Variants in RXFP3 observed in about 807,000 individuals in gnomAD.
The protein encoded by RXFP3 is relaxin-3 receptor 1.
A neutral mutation model predicts 27.3 loss-of-function variants in RXFP3; 31 were observed. That is an observed-to-expected ratio of 1.13 (90% confidence interval 0.85 to 1.53). RXFP3 has a LOEUF of 1.53. RXFP3 is among the 40% of genes most tolerant of loss of function. The probability of loss-of-function intolerance (pLI) is 0.00; values close to 1 mark genes in which losing one functional copy is unlikely to be tolerated. For synonymous variants in RXFP3, 351 were observed against 293.6 expected, an observed-to-expected ratio of 1.20 and a Z score of -2.00; for missense variants, 684 against 642.1, an observed-to-expected ratio of 1.07 and a Z score of -0.70.
At position 33,936,531 on chromosome 5, in the gene RXFP3, G is replaced by A. The variant is rs1751666477; in HGVS notation, c.-210G>A. On this transcript the variant is annotated 5_prime_UTR_variant, in exon 1 of 1. Transcript: ENST00000330120. ...CTTACGGGCTGCACTCCTCAACTCT[G>A]CTCCAAAGCAGCCGCTGAGCTCAAC... The A allele has an allele frequency of 4.2e-6, 2 of 473,002 alleles. No individual in the cohort carries two copies. Among genetic ancestry groups the A allele is most frequent in the African/African-American group, 3.9e-5 (2 of 51,654 alleles). 29.3% of individuals were successfully genotyped at this position (473,002 alleles called of 1,614,324 possible). A position where few individuals can be genotyped will look rare whatever the true frequency, so the allele number is the denominator to read the frequency against.
At position 33,936,576 on chromosome 5, in the gene RXFP3, G is replaced by T; in HGVS notation, c.-165G>T. The T allele has an allele frequency of 1.6e-6, 1 of 607,018 alleles. No individual in the cohort carries two copies. The allele number at this position is 607,018 out of a possible 1,614,324, so 37.6% of individuals were successfully genotyped here. On this transcript the variant is annotated 5_prime_UTR_variant, in exon 1 of 1. Transcript: ENST00000330120. ...CTCAACTCCTGCGTCCAGGGCGTTC[G>T]CTGCGCGCCAGGACGCGCTTAGTAC... is the stretch of plus-strand genomic sequence containing the variant.
chr5:33,937,684 G>A lies in RXFP3; in HGVS notation c.944G>A (p.Gly315Glu). The A allele has an allele frequency of 1.2e-6, 2 of 1,611,838 alleles. No homozygotes were observed. Among genetic ancestry groups the A allele is most frequent in the South Asian group, 2.2e-5 (2 of 90,862 alleles). Residue 315 changes from glycine to glutamate, a missense_variant, in exon 1 of 1, where the codon GGA becomes GAA. Gly to Glu is a moderately conservative substitution (Grantham distance 98). Coordinates refer to ENST00000330120, the MANE Select transcript of RXFP3 (RefSeq NM_016568.3). ...GCGGTAGCCGGAGGACGCCCGACCG[G>A]AGCCAGCGCCCGGAGACTGTCGAAG... The part of the protein sequence containing the change: ...GAAVAGGRPT[G>E]ASARRLSKVT...
At position 33,938,061 on chromosome 5, in the gene RXFP3, G is replaced by GCGGAGC; in HGVS notation, c.1326_1331dup (p.Glu442_Pro443dup). ...GGCCCCGGCGCCGCCCCACGCGGCCGCGGAGCCGGACCTGCTCTACTACCC... is the reference window on the plus strand; with the variant it reads ...GGCCCCGGCGCCGCCCCACGCGGCCGCGGAGCCGGAGCCGGACCTGCTCTACTACCC... On this transcript the variant is annotated inframe_insertion, in exon 1 of 1. Transcript: ENST00000330120. The GCGGAGC allele has an allele frequency of 6.2e-7, 1 of 1,611,508 alleles. No homozygotes were observed.
Sources: allele counts gnomAD v4.1 joint callset, GRCh38; gene constraint gnomAD v4.1.1; transcripts MANE v1.5; gene names NCBI Gene and HGNC (gene_info 2026-07-23, HGNC 2026-07-21).